Variants in MPHOSPH9 observed in about 807,000 individuals in gnomAD.
The protein encoded by MPHOSPH9 is M-phase phosphoprotein 9.
In MPHOSPH9, 88 loss-of-function variants were observed where a neutral mutation model predicts 145.5. That is an observed-to-expected ratio of 0.60 (90% CI 0.51 to 0.72). The LOEUF is 0.72. Ranked by LOEUF, MPHOSPH9 falls within the 30% of genes least tolerant of loss-of-function variation. MPHOSPH9 has a pLI of 0.00. For missense variants in MPHOSPH9, 1,238 were observed against 1,386.6 expected (o/e 0.89, Z 1.70); for synonymous variants, 435 against 486.2 (o/e 0.89, Z 1.39).
At chr12:123,153,636 G>A (rs751502114), downstream of MPHOSPH9, among the ~76,000 whole-genome samples, 2 of 151,792 alleles carry the variant, frequency 1.3e-5, no homozygotes, top group African/African-American at 4.8e-5. Context: ...GGCGTGGTAT[G>A]CACCTGTAAT....
chr12:123,162,430 C>T (rs572627339), intron 20 of MPHOSPH9: 1 of 324,712 alleles, frequency 3.1e-6, no homozygotes, highest in Non-Finnish European at 5.6e-6. Flanking sequence ...CTTACCCATA[C>T]ATTATCTCAT....
intron 13 of MPHOSPH9, among the ~76,000 whole-genome samples, chr12:123,192,033 G>A (rs970658080): frequency 5.9e-5 from 9 of 152,090 alleles, no homozygotes; most frequent in Admixed American, 3.3e-4. Flanking sequence ...GTCAAGGAAA[G>A]AGGGAAGCTC....
chr12:123,173,893 G>A (rs1415371366), intron 16 of MPHOSPH9, among the ~76,000 whole-genome samples: 2 of 152,184 alleles, frequency 1.3e-5, no homozygotes, highest in African/African-American at 4.8e-5. Flanking sequence ...CCAAAGAGAG[G>A]GCTGTGGGAA....
chr12:123,233,810 A>G (rs2047776707), upstream of MPHOSPH9: 1 of 152,812 alleles, frequency 6.5e-6, no homozygotes, highest in Non-Finnish European at 1.5e-5. Flanking sequence ...CGTCCTGGAG[A>G]TAACGGTTCC....
intron 6 of MPHOSPH9, among the ~76,000 whole-genome samples, chr12:123,216,686 A>G (rs2046974822): frequency 6.6e-6 from 1 of 152,130 alleles, no homozygotes; most frequent in Non-Finnish European, 1.5e-5. Flanking sequence ...CCCTGTCTCT[A>G]CAAAAATATA....
chr12:123,218,352 C>A, intron 6 of MPHOSPH9, 24 bp downstream of exon 6: 1 of 1,613,360 alleles, frequency 6.2e-7, no homozygotes, highest in Non-Finnish European at 8.5e-7. Context: ...CTGGAGCCCG[C>A]AGGGAAAGTG....
chr12:123,242,837 G>A (rs550646358), intron 1 of MPHOSPH9, among the ~76,000 whole-genome samples: 1 of 152,286 alleles, frequency 6.6e-6, no homozygotes, highest in East Asian at 1.9e-4. Context: ...ACTGGTTTGT[G>A]CCAGCGCTGT....
intron 13 of MPHOSPH9, among the ~76,000 whole-genome samples, chr12:123,182,541 TG>T (rs2045230921): frequency 6.6e-6 from 1 of 151,036 alleles, no homozygotes; most frequent in South Asian, 2.1e-4. Context: ...CCACCACGCC[TG>T]GCCTATTGTA....
chr12:123,157,457 C>T (rs973618583), intron 23 of MPHOSPH9, among the ~76,000 whole-genome samples: 3 of 151,660 alleles, frequency 2.0e-5, no homozygotes, highest in Non-Finnish European at 4.4e-5. Context: ...TTAAATAATA[C>T]CTGGACTATA....
At position 123,230,308 on chromosome 12, in the gene MPHOSPH9, A is replaced by G; in HGVS notation, c.57T>C (p.Ser19=). 1 of 1,534,464 alleles carries G rather than the reference A, an allele frequency of 6.5e-7. No homozygotes were observed. The highest frequency in any genetic ancestry group is 8.7e-7 in the Non-Finnish European group (1 of 1,145,668). ...CAAGAGAATGAAGAGAATTTTCATC[A>G]GATCCTACAGAAGATGAAGTTTTGT... is the stretch of plus-strand genomic sequence containing the variant. The part of the protein sequence containing the change: ...TLHKTSSSVG[S]DENSLHSLGL... The change falls in exon 2 of 24, where the codon TCT becomes TCC. Residue 19 remains serine (S), a synonymous_variant. Transcript: ENST00000606320.
At chr12:123,221,968 TATC>T (rs1445506322) in intron 4 of MPHOSPH9, 73 bp from the exon 5 acceptor site, 2 of 786,326 alleles carry the variant, frequency 2.5e-6, no homozygotes, top group Non-Finnish European at 3.9e-6. Flanking sequence ...GTTACAAGAA[TATC>T]ATGTTTCAAA....
At chr12:123,194,784 C>T (rs540835625) in intron 12 of MPHOSPH9, among the ~76,000 whole-genome samples, 183 bp from the exon 13 acceptor site, 45 of 151,868 alleles carry the variant, frequency 3.0e-4, no homozygotes, top group Non-Finnish European at 5.7e-4. Flanking sequence ...TCACCCCTGG[C>T]TAATTTTTTG....
At chr12:123,163,239 C>T in intron 19 of MPHOSPH9, 105 bp from the exon 20 acceptor site, 2 of 1,214,960 alleles carry the variant, frequency 1.6e-6, no homozygotes, top group Non-Finnish European at 2.2e-6. Context: ...AATATAATTT[C>T]AACGTAAAAC....
intron 16 of MPHOSPH9, among the ~76,000 whole-genome samples, chr12:123,171,488 C>T (rs1053939660): frequency 4.0e-5 from 6 of 149,610 alleles, no homozygotes; most frequent in Admixed American, 2.0e-4. Flanking sequence ...GTGGCTCACG[C>T]CTATAATCCC....
chr12:123,232,212 C>G (rs190411729), intron 1 of MPHOSPH9, among the ~76,000 whole-genome samples: 1 of 151,796 alleles, frequency 6.6e-6, no homozygotes, highest in Admixed American at 6.6e-5. Context: ...GAACCTGCAA[C>G]CCCATCTATT....
intron 12 of MPHOSPH9, among the ~76,000 whole-genome samples, chr12:123,197,015 C>T (rs1349033298): frequency 8.3e-5 from 10 of 121,104 alleles, no homozygotes; most frequent in East Asian, 5.0e-4. Flanking sequence ...TGGGGGGTGA[C>T]GGTTAAGGGG....
At chr12:123,191,275 T>G (rs1440462954) in intron 13 of MPHOSPH9, among the ~76,000 whole-genome samples, 4 of 152,042 alleles carry the variant, frequency 2.6e-5, no homozygotes, top group Non-Finnish European at 5.9e-5. Flanking sequence ...GAGCTGAGAT[T>G]GCACCATTGC....
chr12:123,201,580 A>C (rs1716182), intron 11 of MPHOSPH9, among the ~76,000 whole-genome samples: 97,495 of 151,680 alleles, frequency 0.64, 35,788 homozygotes, highest in East Asian at 1. Context: ...GGGTTCCACT[A>C]TGTTGCCCAG....
chr12:123,204,366 G>A (rs893767178), intron 8 of MPHOSPH9, among the ~76,000 whole-genome samples: 5 of 151,572 alleles, frequency 3.3e-5, no homozygotes, highest in African/African-American at 2.4e-5. Flanking sequence ...GAAAACTTTC[G>A]GCCAAATTAA....
Sources: gnomAD v4.1 joint callset for allele counts (sites outside exome capture counted in the v4.1 genomes callset) on GRCh38, gnomAD v4.1.1 for gene constraint, MANE v1.5 for transcripts, NCBI Gene and HGNC (gene_info 2026-07-23, HGNC 2026-07-21) for gene names.